The following ZMAT4 variants were observed in gnomAD, a reference collection of about 807,000 sequenced individuals.
ZMAT4 encodes the protein zinc finger matrin-type protein 4.
Under a neutral mutation model 28.7 loss-of-function variants are expected in ZMAT4, and 17 were observed. The ratio of observed to expected loss-of-function variants is 0.59; its 90% confidence interval spans 0.41 to 0.89. The LOEUF (loss-of-function observed/expected upper bound fraction) is 0.89. Among genes scored for constraint, ZMAT4 ranks in the 40% least tolerant of loss-of-function variants. ZMAT4 has a pLI of 0.00. For synonymous variants in ZMAT4, 117 were observed against 109.2 expected, an observed-to-expected ratio of 1.07 and a Z score of -0.44; for missense variants, 240 against 283.8, an observed-to-expected ratio of 0.85 and a Z score of 1.11.
intron 2 of ZMAT4, among the ~76,000 whole-genome samples, chr8:40,782,343 GCCACTGCATTC>G (rs1458434007): frequency 1.3e-5 from 2 of 152,116 alleles, no homozygotes; most frequent in Non-Finnish European, 2.9e-5. Flanking sequence ...CCGAGATCAT[GCCACTGCATTC>G]CAGCCTGGTG....
At chr8:40,622,185 T>C (rs1806225818) in intron 5 of ZMAT4, among the ~76,000 whole-genome samples, 1 of 152,248 alleles carries the variant, frequency 6.6e-6, no homozygotes, top group African/African-American at 2.4e-5. Flanking sequence ...CTATGGCTTA[T>C]GTTTCATATG....
At chr8:40,863,290 A>C (rs1385987357) in intron 1 of ZMAT4, among the ~76,000 whole-genome samples, 2 of 152,202 alleles carry the variant, frequency 1.3e-5, no homozygotes, top group Non-Finnish European at 2.9e-5. Context: ...GGAGAAAAAA[A>C]AAACTGGTAA....
intron 1 of ZMAT4, among the ~76,000 whole-genome samples, chr8:40,872,757 G>A (rs1027651128): frequency 2.0e-5 from 3 of 152,238 alleles, no homozygotes; most frequent in South Asian, 4.2e-4. Context: ...ATTTGAACTC[G>A]GGGGGATGGT....
chr8:40,822,199 A>C (rs984101069), intron 2 of ZMAT4, among the ~76,000 whole-genome samples: 1 of 152,216 alleles, frequency 6.6e-6, no homozygotes, highest in African/African-American at 2.4e-5. Context: ...GCCACACTGA[A>C]CTATCGGTGA....
intron 3 of ZMAT4, among the ~76,000 whole-genome samples, chr8:40,730,610 G>T (rs1754829465): frequency 6.6e-6 from 1 of 152,094 alleles, no homozygotes; most frequent in African/African-American, 2.4e-5. Context: ...TGCCCCAAAG[G>T]ATTCAGATCT....
At chr8:40,543,027 T>C (rs1385436504) in intron 6 of ZMAT4, among the ~76,000 whole-genome samples, 1 of 152,118 alleles carries the variant, frequency 6.6e-6, no homozygotes, top group East Asian at 1.9e-4. Context: ...TTTCTGTCAG[T>C]CCTGTCTAAA....
At chr8:40,845,282 T>G (rs1816844325) in intron 1 of ZMAT4, among the ~76,000 whole-genome samples, 1 of 152,132 alleles carries the variant, frequency 6.6e-6, no homozygotes, top group Non-Finnish European at 1.5e-5. Flanking sequence ...GAAAAAAAAT[T>G]TAGGCATCTT....
At chr8:40,678,525 T>C (rs1232387151) in intron 4 of ZMAT4, among the ~76,000 whole-genome samples, 3 of 152,202 alleles carry the variant, frequency 2.0e-5, no homozygotes, top group Non-Finnish European at 4.4e-5. Context: ...CTGAATCCCA[T>C]ATGCTTTGTG....
At chr8:40,542,922 C>G (rs754698212) in intron 6 of ZMAT4, among the ~76,000 whole-genome samples, 2 of 152,194 alleles carry the variant, frequency 1.3e-5, no homozygotes, top group Non-Finnish European at 2.9e-5. Flanking sequence ...AAGTTCCTTT[C>G]ACCTCCACCA....
At chr8:40,803,877 T>C (rs559639788) in intron 2 of ZMAT4, among the ~76,000 whole-genome samples, 2 of 152,142 alleles carry the variant, frequency 1.3e-5, no homozygotes, top group African/African-American at 2.4e-5. Flanking sequence ...ATCCAAACAA[T>C]GGACTATTAT....
chr8:40,768,692 A>G (rs1813263503), intron 2 of ZMAT4, among the ~76,000 whole-genome samples: 1 of 145,126 alleles, frequency 6.9e-6, no homozygotes, highest in Non-Finnish European at 1.6e-5. Context: ...AACATTTGCT[A>G]GGGTGTCATA....
At chr8:40,675,066 GA>G in intron 4 of ZMAT4, 135 bp from the exon 5 acceptor site, 1 of 569,048 alleles carries the variant, frequency 1.8e-6, no homozygotes. Context: ...TTGACAGCAG[GA>G]AAATTAGCCC....
intron 6 of ZMAT4, among the ~76,000 whole-genome samples, chr8:40,534,032 A>G (rs1802772849): frequency 6.6e-6 from 1 of 152,202 alleles, no homozygotes; most frequent in Admixed American, 6.5e-5. Context: ...ATTCACAGCT[A>G]AACAGTCTTT....
At chr8:40,796,165 G>A (rs927844912) in intron 2 of ZMAT4, among the ~76,000 whole-genome samples, 4 of 152,156 alleles carry the variant, frequency 2.6e-5, no homozygotes, top group Admixed American at 2.0e-4. Flanking sequence ...TTGAAAGCCT[G>A]TATATCAACA....
At chr8:40,863,659 T>C (rs926345874) in intron 1 of ZMAT4, among the ~76,000 whole-genome samples, 6 of 152,114 alleles carry the variant, frequency 3.9e-5, no homozygotes, top group South Asian at 2.1e-4. Context: ...AAGCAGCTCA[T>C]AGCAAGATCT....
intron 2 of ZMAT4, among the ~76,000 whole-genome samples, chr8:40,818,798 C>T (rs984861118): frequency 5.9e-5 from 9 of 152,112 alleles, no homozygotes; most frequent in African/African-American, 1.7e-4. Context: ...ACAACTCTCA[C>T]GCATCAGAAG....
intron 1 of ZMAT4, among the ~76,000 whole-genome samples, chr8:40,844,564 T>C (rs1264425328): frequency 6.6e-6 from 1 of 152,098 alleles, no homozygotes. Context: ...TCCATTATCA[T>C]GTGAGCTGAT....
At chr8:40,656,089 A>G (rs1807911724) in intron 5 of ZMAT4, among the ~76,000 whole-genome samples, 1 of 152,148 alleles carries the variant, frequency 6.6e-6, no homozygotes, top group Non-Finnish European at 1.5e-5. Flanking sequence ...ATAAAAATCT[A>G]TTACAACTCA....
At chr8:40,688,507 G>A (rs1809519644) in intron 4 of ZMAT4, among the ~76,000 whole-genome samples, 1 of 151,952 alleles carries the variant, frequency 6.6e-6, no homozygotes, top group Admixed American at 6.6e-5. Flanking sequence ...ACTTTGTTGG[G>A]CCCCTTTAAT....
Sources: gnomAD v4.1 joint callset for allele counts (sites outside exome capture counted in the v4.1 genomes callset) on GRCh38, gnomAD v4.1.1 for gene constraint, MANE v1.5 for transcripts, NCBI Gene and HGNC (gene_info 2026-07-23, HGNC 2026-07-21) for gene names.